The following PCDHGA4 variants were observed in gnomAD, a reference collection of about 807,000 sequenced individuals.
PCDHGA4 encodes protocadherin gamma subfamily A, 4, also known as protocadherin gamma-A4.
PCDHGA4 carries 38 observed loss-of-function variants against 54.6 expected under a neutral mutation model. That is an observed-to-expected ratio of 0.70 (90% CI 0.54 to 0.91). PCDHGA4 has a LOEUF of 0.91. PCDHGA4 is among the 40% of genes least tolerant of loss of function. The probability of loss-of-function intolerance (pLI) is 0.00; values close to 1 mark genes in which losing one functional copy is unlikely to be tolerated. For synonymous variants in PCDHGA4, 511 were observed against 512.9 expected (o/e 1.00, Z 0.05); for missense variants, 1,298 against 1,220.9 (o/e 1.06, Z -0.94).
chr5:141,395,547 TGTGTGTGTGTGTGTGTGTGTGTG>T, intron 1 of PCDHGA4: 1 of 173,894 alleles, frequency 5.8e-6, no homozygotes, highest in Non-Finnish European at 1.2e-5. Context: ...ATTGTTTGTG[TGTGTGTGTGTGTGTGTGTGTGTG>T]TGTGTGTGTG....
At chr5:141,390,019 G>GCCTGCGAC (rs1380063948) in intron 1 of PCDHGA4, 1 of 1,614,002 alleles carries the variant, frequency 6.2e-7, no homozygotes. Context: ...ATTGCCTTGC[G>GCCTGCGAC]CCTGCGACGC....
At chr5:141,422,606 C>T in intron 1 of PCDHGA4, 1 of 1,613,904 alleles carries the variant, frequency 6.2e-7, no homozygotes, top group Non-Finnish European at 8.5e-7. Flanking sequence ...TCTTACTCTG[C>T]CTACATTCCC....
chr5:141,486,089 G>T lies in PCDHGA4; in HGVS notation c.2515-8718G>T, dbSNP rs2099624123. On this transcript the variant is annotated intron_variant, in intron 1 of 3. Coordinates refer to ENST00000571252, the MANE Select transcript of PCDHGA4 (RefSeq NM_018917.4). The surrounding 1 kb of genome is among the most constrained non-coding windows in gnomAD (Gnocchi z 5.0). ...CACTACTGGAAAGCTTACTCTTTTG[G>T]GGCCCCTAGACTTTGAGAGTGAGAA... is the stretch of plus-strand genomic sequence containing the variant. 1 of 1,614,084 alleles carries T rather than the reference G, an allele frequency of 6.2e-7. No individual in the cohort carries two copies. The highest frequency in any genetic ancestry group is 8.5e-7 in the Non-Finnish European group (1 of 1,180,014).
At chr5:141,389,573 C>T (rs778800357) in intron 1 of PCDHGA4, 2 of 1,613,242 alleles carry the variant, frequency 1.2e-6, no homozygotes, top group African/African-American at 1.3e-5. Flanking sequence ...TGCTGTACCC[C>T]GCGCTGGGTC....
In PCDHGA4 at chr5:141,360,843, C is replaced by T. The variant is rs910664589; in HGVS notation, c.2514+3222C>T. 8 of 1,613,836 alleles carry T rather than the reference C, an allele frequency of 5.0e-6. No individual in the cohort carries two copies. The Admixed American group carries it at 5.0e-5, about 10-fold the overall frequency. Reference sequence around the variant, plus strand: ...TCCGAATCAAAGTCACGGATGCCAACGATAACCCTCCAGTGTTCAGCCAGG... The same window carrying T: ...TCCGAATCAAAGTCACGGATGCCAATGATAACCCTCCAGTGTTCAGCCAGG... On this transcript the variant is annotated intron_variant, in intron 1 of 3. Coordinates refer to ENST00000571252, the MANE Select transcript of PCDHGA4 (RefSeq NM_018917.4).
intron 1 of PCDHGA4, among the ~76,000 whole-genome samples, chr5:141,380,556 A>G (rs560395127): frequency 1.3e-5 from 2 of 152,362 alleles, no homozygotes; most frequent in South Asian, 2.1e-4. Flanking sequence ...CTTATGTTAG[A>G]TTTTATTAAA....
chr5:141,495,470 C>A (rs2099761615), intron 2 of PCDHGA4, among the ~76,000 whole-genome samples: 1 of 152,196 alleles, frequency 6.6e-6, no homozygotes, highest in African/African-American at 2.4e-5. Flanking sequence ...GTGGGGTCTC[C>A]GTGTCTCTGC....
rs755304704 is a variant in PCDHGA4, at chr5:141,360,490, A to G, written c.2514+2869A>G. 2.5e-6 allele frequency: 4 copies of G among 1,614,010 alleles called. No individual in the cohort carries two copies. The South Asian group carries it at 3.3e-5, about 13-fold the overall frequency. On this transcript the variant is annotated intron_variant, in intron 1 of 3. Coordinates refer to ENST00000571252, the MANE Select transcript of PCDHGA4 (RefSeq NM_018917.4). ...TGAAAATCCACTAAATATTTTCTACATAGCAGTAATTGTGCAGGATATAAA... is the reference window on the plus strand; with the variant it reads ...TGAAAATCCACTAAATATTTTCTACGTAGCAGTAATTGTGCAGGATATAAA...
intron 1 of PCDHGA4, among the ~76,000 whole-genome samples, chr5:141,447,728 A>G (rs2098549955): frequency 6.6e-6 from 1 of 152,204 alleles, no homozygotes; most frequent in Non-Finnish European, 1.5e-5. Flanking sequence ...TCCAAAACTC[A>G]TTGAACTTAA....
chr5:141,502,003 G>A (rs945565369), intron 2 of PCDHGA4, among the ~76,000 whole-genome samples: 17 of 151,966 alleles, frequency 1.1e-4, no homozygotes, highest in Admixed American at 1.1e-3. Flanking sequence ...CTGACAACCC[G>A]CATGCTCTCC....
intron 1 of PCDHGA4, among the ~76,000 whole-genome samples, chr5:141,450,572 T>C (rs1276283357): frequency 6.6e-6 from 1 of 151,710 alleles, no homozygotes; most frequent in Non-Finnish European, 1.5e-5. Context: ...CTGCAACTTC[T>C]GCCTCCCAGG....
chr5:141,413,139 C>A, intron 1 of PCDHGA4: 1 of 1,553,028 alleles, frequency 6.4e-7, no homozygotes. Context: ...ACAACGTGTC[C>A]AGTGAGGACT....
In PCDHGA4 at chr5:141,511,829, G is replaced by A. The variant is rs1181369164; in HGVS notation, c.*656G>A. 1 of 156,774 alleles carries A rather than the reference G, an allele frequency of 6.4e-6. No individual in the cohort carries two copies. Among genetic ancestry groups the A allele is most frequent in the Non-Finnish European group, 1.4e-5 (1 of 70,652 alleles). The allele number at this position is 156,774 out of a possible 1,614,324, so 9.7% of individuals were successfully genotyped here. Reference sequence around the variant, plus strand: ...TACCAAGCCTCTTCCCAACGCCCTGGGGACCAGTCTTCTGTTTTGTTTTTC... The same window carrying A: ...TACCAAGCCTCTTCCCAACGCCCTGAGGACCAGTCTTCTGTTTTGTTTTTC... On this transcript the variant is annotated 3_prime_UTR_variant, in exon 4 of 4. Transcript: ENST00000571252.
At chr5:141,494,326 G>C (rs2154591458) in intron 1 of PCDHGA4, among the ~76,000 whole-genome samples, 1 of 152,312 alleles carries the variant, frequency 6.6e-6, no homozygotes, top group Middle Eastern at 3.4e-3. Context: ...GGCACCAAAA[G>C]GGTTACCAAG....
In PCDHGA4 at chr5:141,357,555, T is replaced by C. The variant is rs1760655729; in HGVS notation, c.2448T>C (p.Cys816=). The change falls in exon 1 of 4, where the codon TGT becomes TGC. Residue 816 remains cysteine (C), a synonymous_variant. Coordinates refer to ENST00000571252, the MANE Select transcript of PCDHGA4 (RefSeq NM_018917.4). ...ACACGCTCATCAGCCGGGAGAGTTG[T>C]GAGAAAAGCGAGCCTCTTCTGATAA... ...YADTLISRES[C]EKSEPLLITQ... is the part of the protein sequence containing the mutation. 1.2e-5 allele frequency: 20 copies of C among 1,614,086 alleles called. No homozygotes were observed. The highest frequency in any genetic ancestry group is 1.7e-5 in the Non-Finnish European group (20 of 1,180,040).
At chr5:141,362,021 C>G in intron 1 of PCDHGA4, 1 of 1,607,220 alleles carries the variant, frequency 6.2e-7, no homozygotes, top group Non-Finnish European at 8.5e-7. Flanking sequence ...GTGCGCACAG[C>G]GCGTGCCTTG....
chr5:141,389,658 G>T (rs750579245), intron 1 of PCDHGA4: 17 of 1,612,424 alleles, frequency 1.1e-5, no homozygotes, highest in Non-Finnish European at 8.5e-7. Flanking sequence ...GGTAGTGGCG[G>T]TGGACGCAGA....
chr5:141,506,737 C>T (rs893758261), intron 3 of PCDHGA4, among the ~76,000 whole-genome samples: 5 of 152,076 alleles, frequency 3.3e-5, no homozygotes, highest in African/African-American at 1.2e-4. Flanking sequence ...AGAATAATGC[C>T]TATTAATAAA....
At chr5:141,408,280 C>A in intron 1 of PCDHGA4, 4 of 1,612,648 alleles carry the variant, frequency 2.5e-6, no homozygotes, top group Non-Finnish European at 3.4e-6. Context: ...CTTTGTTCTA[C>A]CCCACCCTGA....
Sources: gnomAD v4.1 joint callset for allele counts (sites outside exome capture counted in the v4.1 genomes callset) on GRCh38, gnomAD v4.1.1 for gene constraint, Gnocchi (gnomAD v3.1) non-coding constraint, MANE v1.5 for transcripts, NCBI Gene and HGNC (gene_info 2026-07-23, HGNC 2026-07-21) for gene names.